Variants in SH3GL2 observed in about 807,000 individuals in gnomAD.
The protein encoded by SH3GL2 is endophilin-A1.
A neutral mutation model predicts 46.0 loss-of-function variants in SH3GL2; 24 were observed. That is an observed-to-expected ratio of 0.52 (90% CI 0.38 to 0.73). SH3GL2 has a LOEUF of 0.73. Ranked by LOEUF, SH3GL2 falls within the 30% of genes least tolerant of loss-of-function variation. The probability of loss-of-function intolerance (pLI) is 0.00; values close to 1 mark genes in which losing one functional copy is unlikely to be tolerated. For synonymous variants in SH3GL2, 196 were observed against 147.1 expected (o/e 1.33, Z -2.40); for missense variants, 413 against 424.2 (o/e 0.97, Z 0.23).
chr9:17,794,221 A>T (rs1191656185), intron 8 of SH3GL2, among the ~76,000 whole-genome samples: 2 of 152,182 alleles, frequency 1.3e-5, no homozygotes, highest in Non-Finnish European at 1.5e-5. Flanking sequence ...TGTGCTGGAG[A>T]CATTTTCAAC....
intron 1 of SH3GL2, among the ~76,000 whole-genome samples, chr9:17,746,710 A>G (rs551830331): frequency 6.6e-6 from 1 of 152,332 alleles, no homozygotes; most frequent in Non-Finnish European, 1.5e-5. Context: ...TTTGAGATCC[A>G]TTATCAGAGG....
chr9:17,598,985 A>G (rs1818622606), intron 1 of SH3GL2, among the ~76,000 whole-genome samples: 1 of 152,238 alleles, frequency 6.6e-6, no homozygotes, highest in Non-Finnish European at 1.5e-5. Flanking sequence ...AACAAAATGG[A>G]AAGTCCAGCA....
chr9:17,632,152 A>C (rs977437203), intron 1 of SH3GL2, among the ~76,000 whole-genome samples: 6 of 152,168 alleles, frequency 3.9e-5, no homozygotes, highest in Non-Finnish European at 7.4e-5. Flanking sequence ...CATTTGCTTT[A>C]ATGCTGGGTT....
chr9:17,660,101 C>T (rs967321732), intron 1 of SH3GL2, among the ~76,000 whole-genome samples: 7 of 152,314 alleles, frequency 4.6e-5, no homozygotes, highest in African/African-American at 1.4e-4. Context: ...TCCAGTAAAA[C>T]CCTGGCAGGG....
chr9:17,760,026 A>G (rs1823122506), intron 2 of SH3GL2, among the ~76,000 whole-genome samples: 2 of 152,260 alleles, frequency 1.3e-5, no homozygotes, highest in African/African-American at 4.8e-5. Flanking sequence ...AATTTTGCTA[A>G]TACTAGGACC....
chr9:17,700,486 C>T (rs895539576), intron 1 of SH3GL2, among the ~76,000 whole-genome samples: 2 of 152,162 alleles, frequency 1.3e-5, no homozygotes, highest in Non-Finnish European at 2.9e-5. Context: ...CCTCTTGGTT[C>T]CCTGGATTCC....
intron 1 of SH3GL2, among the ~76,000 whole-genome samples, chr9:17,580,707 A>C: frequency 6.6e-6 from 1 of 152,194 alleles, no homozygotes; most frequent in East Asian, 1.9e-4. Flanking sequence ...TTTATACTGC[A>C]AGTTCTTTCA....
chr9:17,596,847 C>T (rs370123714), intron 1 of SH3GL2, among the ~76,000 whole-genome samples: 1 of 152,288 alleles, frequency 6.6e-6, no homozygotes, highest in South Asian at 2.1e-4. Context: ...TTGCCTTTCT[C>T]CCAAAGAGGA....
In SH3GL2 at chr9:17,787,565, A is replaced by C. The variant is rs149426375; in HGVS notation, c.465+52A>C. Reference sequence around the variant, plus strand: ...TGGGCAGTTGAAATCATACAGATGCAGATGCCTTTTTTCTTTAGAAAACAT... The same window carrying C: ...TGGGCAGTTGAAATCATACAGATGCCGATGCCTTTTTTCTTTAGAAAACAT... On this transcript the variant is annotated intron_variant, in intron 5 of 8. Coordinates refer to ENST00000380607, the MANE Select transcript of SH3GL2 (RefSeq NM_003026.5). 3 of 1,487,042 alleles carry C rather than the reference A, an allele frequency of 2.0e-6. No individual in the cohort carries two copies. In the African/African-American group the frequency reaches 4.2e-5, roughly 21 times the overall value. 92.1% of individuals were successfully genotyped at this position (1,487,042 alleles called of 1,614,324 possible). A position where few individuals can be genotyped will look rare whatever the true frequency, so the allele number is the denominator to read the frequency against.
At chr9:17,658,110 C>G (rs1820132523) in intron 1 of SH3GL2, among the ~76,000 whole-genome samples, 1 of 152,204 alleles carries the variant, frequency 6.6e-6, no homozygotes, top group Non-Finnish European at 1.5e-5. Context: ...ATGCCTCTTT[C>G]TGGCATTCAA....
chr9:17,633,537 T>C (rs1034964119), intron 1 of SH3GL2, among the ~76,000 whole-genome samples: 2 of 152,254 alleles, frequency 1.3e-5, no homozygotes, highest in Admixed American at 6.5e-5. Context: ...TAATAAGTTA[T>C]GGTGAGATTA....
At chr9:17,725,910 C>A (rs1416292604) in intron 1 of SH3GL2, among the ~76,000 whole-genome samples, 1 of 152,090 alleles carries the variant, frequency 6.6e-6, no homozygotes, top group African/African-American at 2.4e-5. Flanking sequence ...AGAGTGGGAA[C>A]CCCCGTGTTC....
chr9:17,682,875 T>G (rs1820809463), intron 1 of SH3GL2, among the ~76,000 whole-genome samples: 1 of 152,100 alleles, frequency 6.6e-6, no homozygotes, highest in Non-Finnish European at 1.5e-5. Flanking sequence ...TCCGGAAGCT[T>G]TTGTATTATT....
At chr9:17,735,656 C>A (rs761598331) in intron 1 of SH3GL2, 1 of 339,656 alleles carries the variant, frequency 2.9e-6, no homozygotes, top group Non-Finnish European at 4.2e-6. Context: ...TTGGTAGACA[C>A]AGGGGTTCTA....
At chr9:17,793,847 G>A (rs1015643952) in intron 8 of SH3GL2, among the ~76,000 whole-genome samples, 5 of 152,126 alleles carry the variant, frequency 3.3e-5, no homozygotes, top group Non-Finnish European at 7.3e-5. Flanking sequence ...TTTCTCCTGC[G>A]TGTTCGCTCT....
intron 1 of SH3GL2, among the ~76,000 whole-genome samples, chr9:17,682,317 C>T (rs545616494): frequency 6.6e-6 from 1 of 152,238 alleles, no homozygotes; most frequent in Non-Finnish European, 1.5e-5. Context: ...CCCAAATGCC[C>T]ATCAGTGGTA....
chr9:17,795,241 T>C (rs1240134701), intron 8 of SH3GL2, among the ~76,000 whole-genome samples: 1 of 152,216 alleles, frequency 6.6e-6, no homozygotes, highest in Non-Finnish European at 1.5e-5. Context: ...AGGCAAACTA[T>C]AATGAACTGT....
intron 1 of SH3GL2, among the ~76,000 whole-genome samples, chr9:17,599,750 G>A (rs1339283979): frequency 6.6e-6 from 1 of 152,098 alleles, no homozygotes; most frequent in Non-Finnish European, 1.5e-5. Context: ...GCCTGTGTAT[G>A]TTCTTTTGGA....
In SH3GL2 at chr9:17,679,051, G is replaced by C. The variant is rs56019909; in HGVS notation, c.46-68015G>C. The stretch of plus-strand genomic sequence containing the variant: ...TTACTGTAGCCTTGTAGTATAGTTT[G>C]AAGTCAGGTAGTGTGATGCCTCCAG... On this transcript the variant is annotated intron_variant, in intron 1 of 8. Transcript: ENST00000380607. Among the ~76,000 whole-genome samples the C allele has an allele frequency of 2.9e-3, 445 of 152,212 alleles. 2 individuals carry two copies. Among genetic ancestry groups the C allele is most frequent in the African/African-American group, 0.01 (421 of 41,520 alleles).
Sources: gnomAD v4.1 joint callset for allele counts (sites outside exome capture counted in the v4.1 genomes callset) on GRCh38, gnomAD v4.1.1 for gene constraint, MANE v1.5 for transcripts, NCBI Gene and HGNC (gene_info 2026-07-23, HGNC 2026-07-21) for gene names.